Variants in VAV3 observed in about 807,000 individuals in gnomAD.
VAV3 encodes the protein vav guanine nucleotide exchange factor 3.
A neutral mutation model predicts 131.2 loss-of-function variants in VAV3; 94 were observed. That is an observed-to-expected ratio of 0.72 (90% CI 0.61 to 0.85). The LOEUF (loss-of-function observed/expected upper bound fraction) is 0.85. Among genes scored for constraint, VAV3 ranks in the 40% least tolerant of loss-of-function variants. The pLI is 0.00. For missense variants in VAV3, 939 were observed against 1,002.7 expected (o/e 0.94, Z 0.86); for synonymous variants, 349 against 342.0 (o/e 1.02, Z -0.22).
intron 8 of VAV3, 100 bp from the exon 9 acceptor site, chr1:107,765,275 G>A (rs1664678119): frequency 2.3e-6 from 2 of 867,964 alleles, no homozygotes; most frequent in African/African-American, 3.4e-5. Context: ...CCATTGTTAG[G>A]GATAACCAAA....
intron 1 of VAV3, among the ~76,000 whole-genome samples, chr1:107,906,676 A>AAATAC (rs561017259): frequency 5.9e-5 from 9 of 152,180 alleles, no homozygotes; most frequent in African/African-American, 1.9e-4. Flanking sequence ...AAAAAAATTA[A>AAATAC]AATACAATAC....
intron 20 of VAV3, among the ~76,000 whole-genome samples, chr1:107,629,878 T>C (rs1390356759): frequency 6.6e-6 from 1 of 152,160 alleles, no homozygotes; most frequent in Non-Finnish European, 1.5e-5. Context: ...TCTCCTGACA[T>C]AGAGTATGTG....
At position 107,777,227 on chromosome 1, in the gene VAV3, A is replaced by G. The variant is rs1272688243; in HGVS notation, c.446+4T>C. 3 of 1,613,646 alleles carry G rather than the reference A, an allele frequency of 1.9e-6. No homozygotes were observed. The highest frequency in any genetic ancestry group is 1.3e-5 in the African/African-American group (1 of 74,928). Reference sequence around the variant, plus strand: ...CTAAATTTTGCTTGAAATTTTCAACATACTCTATTAAATCAGGAAGGCCTT... The same window carrying G: ...CTAAATTTTGCTTGAAATTTTCAACGTACTCTATTAAATCAGGAAGGCCTT... On this transcript the variant is annotated splice_donor_region_variant and intron_variant, in intron 4 of 26. Coordinates refer to ENST00000370056, the MANE Select transcript of VAV3 (RefSeq NM_006113.5).
chr1:107,670,400 G>C (rs1048118754), intron 19 of VAV3, among the ~76,000 whole-genome samples: 1 of 152,058 alleles, frequency 6.6e-6, no homozygotes, highest in Non-Finnish European at 1.5e-5. Context: ...GGCATTCTCA[G>C]AGCATGTTAA....
chr1:107,953,441 TC>T (rs1316677840), intron 1 of VAV3, among the ~76,000 whole-genome samples: 3 of 152,206 alleles, frequency 2.0e-5, no homozygotes, highest in African/African-American at 7.2e-5. Context: ...AAAGTAACTT[TC>T]CCAGGGTCAG....
chr1:107,904,597 G>T (rs1327758500), intron 1 of VAV3, among the ~76,000 whole-genome samples: 1 of 152,038 alleles, frequency 6.6e-6, no homozygotes, highest in Non-Finnish European at 1.5e-5. Context: ...TAACAGTTTT[G>T]CCTCCTGCCC....
At chr1:107,655,857 A>G (rs1279244058) in intron 19 of VAV3, among the ~76,000 whole-genome samples, 2 of 152,178 alleles carry the variant, frequency 1.3e-5, no homozygotes, top group East Asian at 3.8e-4. Context: ...AATTCTCAAT[A>G]TCAATAACCA....
chr1:107,882,798 T>C (rs1670845146), intron 1 of VAV3, among the ~76,000 whole-genome samples: 1 of 152,246 alleles, frequency 6.6e-6, no homozygotes. Context: ...TAAGAAATCA[T>C]ACCTTCAAAT....
intron 4 of VAV3, among the ~76,000 whole-genome samples, chr1:107,776,695 T>A (rs996249380): frequency 2.0e-5 from 3 of 152,194 alleles, no homozygotes; most frequent in African/African-American, 7.2e-5. Flanking sequence ...GGAGTAACGA[T>A]CACGCATATA....
At chr1:107,950,761 C>T (rs982404849) in intron 1 of VAV3, among the ~76,000 whole-genome samples, 2 of 151,894 alleles carry the variant, frequency 1.3e-5, no homozygotes, top group East Asian at 1.9e-4. Context: ...TGACAGGACT[C>T]GAGAGTACAC....
At position 107,688,373 on chromosome 1, in the gene VAV3, A is replaced by G; in HGVS notation, c.1731+8T>C. 2 of 1,612,412 alleles carry G rather than the reference A, an allele frequency of 1.2e-6. No homozygotes were observed. Among genetic ancestry groups the G allele is most frequent in the Non-Finnish European group, 1.7e-6 (2 of 1,179,284 alleles). ...GGTTATAAAAAATATTTAAAATGTT[A>G]ATCTTACCTCTGGTAGTTTGAGTGT... On this transcript the variant is annotated splice_region_variant and intron_variant, in intron 18 of 26. Transcript: ENST00000370056.
chr1:107,810,149 T>C (rs776037438), intron 2 of VAV3, among the ~76,000 whole-genome samples: 12 of 152,208 alleles, frequency 7.9e-5, no homozygotes, highest in Non-Finnish European at 1.6e-4. Context: ...CTAGAGATAC[T>C]TGGACTCGAA....
At chr1:107,600,594 G>A (rs1651772107) in intron 24 of VAV3, among the ~76,000 whole-genome samples, 1 of 152,120 alleles carries the variant, frequency 6.6e-6, no homozygotes, top group African/African-American at 2.4e-5. Context: ...TTTTTCCAGA[G>A]AATATCATTG....
intron 19 of VAV3, among the ~76,000 whole-genome samples, chr1:107,655,793 T>C (rs1656506496): frequency 6.6e-6 from 1 of 152,112 alleles, no homozygotes. Flanking sequence ...GAGCTAAAGA[T>C]CTGAGTAGAC....
intron 2 of VAV3, among the ~76,000 whole-genome samples, chr1:107,844,310 A>G (rs1317416585): frequency 6.6e-6 from 1 of 152,134 alleles, no homozygotes; most frequent in Non-Finnish European, 1.5e-5. Context: ...TTTTCCCACT[A>G]TCTTCGCAAC....
At position 107,669,016 on chromosome 1, in the gene VAV3, A is replaced by G. The variant is rs944611253; in HGVS notation, c.1777+14472T>C. 1.1e-5 allele frequency: 12 copies of G among 1,048,314 alleles called. No individual in the cohort carries two copies. In the African/African-American group the frequency reaches 1.9e-4, roughly 17 times the overall value. The allele number at this position is 1,048,314 out of a possible 1,614,324, so 64.9% of individuals were successfully genotyped here. A position where few individuals can be genotyped will look rare whatever the true frequency, so the allele number is the denominator to read the frequency against. On this transcript the variant is annotated intron_variant, in intron 19 of 26. Transcript: ENST00000370056. ...CTAAGGGAGTCAGCGCTGACTATAC[A>G]GAGAAAAATCCCCAAGGGAGAAAGT... is the stretch of plus-strand genomic sequence containing the variant.
At chr1:107,686,466 T>C (rs1054060778) in intron 18 of VAV3, among the ~76,000 whole-genome samples, 7 of 152,198 alleles carry the variant, frequency 4.6e-5, no homozygotes, top group African/African-American at 1.4e-4. Context: ...TATTTACTTA[T>C]GAGAAGATTC....
At chr1:107,583,821 C>T (rs187515152) in intron 25 of VAV3, among the ~76,000 whole-genome samples, 2 of 152,118 alleles carry the variant, frequency 1.3e-5, no homozygotes, top group Non-Finnish European at 2.9e-5. Flanking sequence ...GCGAAAATGG[C>T]CATACTGCCC....
intron 12 of VAV3, among the ~76,000 whole-genome samples, chr1:107,753,549 T>TATATATATACACAC (rs771773884): frequency 7.3e-5 from 6 of 82,060 alleles, no homozygotes; most frequent in African/African-American, 2.8e-4. Flanking sequence ...TATATATATA[T>TATATATATACACAC]ACACACACAC....
Sources: allele counts gnomAD v4.1 joint callset (sites outside exome capture counted in the v4.1 genomes callset), GRCh38; gene constraint gnomAD v4.1.1; transcripts MANE v1.5; gene names NCBI Gene and HGNC (gene_info 2026-07-23, HGNC 2026-07-21).